The following SNRNP200 variants were observed in gnomAD, a reference collection of about 807,000 sequenced individuals.
SNRNP200 encodes the protein small nuclear ribonucleoprotein U5 subunit 200, also known as U5 small nuclear ribonucleoprotein 200 kDa helicase.
A neutral mutation model predicts 255.2 loss-of-function variants in SNRNP200; 66 were observed. The observed-to-expected ratio is 0.26, with a 90% CI of 0.21 to 0.32. The LOEUF is 0.32. Among genes scored for constraint, SNRNP200 ranks in the 10% least tolerant of loss-of-function variants. The probability of loss-of-function intolerance (pLI) is 1.00; values close to 1 mark genes in which losing one functional copy is unlikely to be tolerated. For synonymous variants in SNRNP200, 939 were observed against 1,027.8 expected (o/e 0.91, Z 1.65); for missense variants, 1,585 against 2,749.8 (o/e 0.58, Z 9.47).
chr2:96,279,562 G>A lies in SNRNP200; in HGVS notation c.5025-3C>T. 2 of 1,602,404 alleles carry A rather than the reference G, an allele frequency of 1.2e-6. No homozygotes were observed. ...CATAGATGGGGTAATCCACATAGCT[G>A]GTGACAGAAGCAGGGAAAGAAGGAA... is the stretch of plus-strand genomic sequence containing the variant. On this transcript the variant is annotated splice_polypyrimidine_tract_variant and splice_region_variant and intron_variant, in intron 35 of 44. Transcript: ENST00000323853.
At position 96,290,800 on chromosome 2, in the gene SNRNP200, C is replaced by T. The variant is rs1343420097; in HGVS notation, c.2437G>A (p.Ala813Thr). The change falls in exon 19 of 45, where the codon GCA becomes ACA. Residue 813 changes from alanine (A) to threonine (T), a missense_variant. This residue lies in a region of SNRNP200 where 140 missense variants were observed against 274.9 expected (regional missense o/e 0.51). Transcript: ENST00000323853. The surrounding 1 kb of genome is among the most constrained non-coding windows in gnomAD (Gnocchi z 4.5). The part of the protein sequence containing the change: ...DKHIQVLVST[A>T]TLAWGVNLPA... ...AGATTCACACCCCAAGCTAGAGTTG[C>T]TGTGGAAACTAAAACCTACAGAGGC... The T allele has an allele frequency of 6.2e-7, 1 of 1,614,160 alleles. No individual in the cohort carries two copies. Among genetic ancestry groups the T allele is most frequent in the Non-Finnish European group, 8.5e-7 (1 of 1,180,032 alleles).
rs1298815710 is a variant in SNRNP200 at position 96,290,120 on chromosome 2, T to C, written c.2743-124A>G. On this transcript the variant is annotated intron_variant, in intron 20 of 44. Coordinates refer to ENST00000323853, the MANE Select transcript of SNRNP200 (RefSeq NM_014014.5). This position sits in a 1 kb window ranked among gnomAD's most constrained non-coding sequence, Gnocchi z 4.5. ...GATGCATATTACATCGTATTCTGAA[T>C]GTTTTTAGCATTTCATTATTAAAAA... 3 of 1,065,798 alleles carry C rather than the reference T, an allele frequency of 2.8e-6. No homozygotes were observed. Among genetic ancestry groups the C allele is most frequent in the Non-Finnish European group, 4.3e-6 (3 of 690,544 alleles). The allele number at this position is 1,065,798 out of a possible 1,614,324, so 66.0% of individuals were successfully genotyped here.
rs764109359 is a variant in SNRNP200, at chr2:96,277,545, T to G, written c.5925A>C (p.Thr1975=). The change falls in exon 41 of 45, where the codon ACA becomes ACC. Residue 1975 remains threonine, a synonymous_variant. Coordinates refer to ENST00000323853, the MANE Select transcript of SNRNP200 (RefSeq NM_014014.5). This position sits in a 1 kb window ranked among gnomAD's most constrained non-coding sequence, Gnocchi z 4.4. ...HFTSEHIKRC[T]DKGVESVFDI... ...CTAGGCTGACCCGGCTCACCTTGTCTGTGCAACGTTTGATATGCTCAGAGG... is the reference window on the plus strand; with the variant it reads ...CTAGGCTGACCCGGCTCACCTTGTCGGTGCAACGTTTGATATGCTCAGAGG... The G allele has an allele frequency of 6.2e-7, 1 of 1,612,636 alleles. No homozygotes were observed. Among genetic ancestry groups the G allele is most frequent in the South Asian group, 1.1e-5 (1 of 91,020 alleles).
chr2:96,293,552 AC>A, intron 14 of SNRNP200, 43 bp from the exon 15 acceptor site: 2 of 1,561,716 alleles, frequency 1.3e-6, no homozygotes, highest in African/African-American at 1.4e-5. Context: ...CACTAGAGAT[AC>A]ATAGTCCCTT....
chr2:96,296,452 C>T (rs1252603091), intron 13 of SNRNP200, 84 bp downstream of exon 13: 1 of 1,390,392 alleles, frequency 7.2e-7, no homozygotes, highest in Non-Finnish European at 1.0e-6. Context: ...TGCCCTAATA[C>T]AAGAAGCGGT....
Position 96,291,575 on chromosome 2 carries a change from C to G in SNRNP200, c.2311-73G>C. The stretch of plus-strand genomic sequence containing the variant: ...ATCCAAGGACTAAGGAAATCTCCTC[C>G]CATGAGACCCTGCCCCTTAACTATT... On this transcript the variant is annotated intron_variant, in intron 17 of 44. Coordinates refer to ENST00000323853, the MANE Select transcript of SNRNP200 (RefSeq NM_014014.5). This position sits in a 1 kb window ranked among gnomAD's most constrained non-coding sequence, Gnocchi z 4.2. The G allele has an allele frequency of 8.1e-7, 1 of 1,239,460 alleles. No homozygotes were observed. The highest frequency in any genetic ancestry group is 1.2e-6 in the Non-Finnish European group (1 of 840,694). The allele number at this position is 1,239,460 out of a possible 1,614,324, so 76.8% of individuals were successfully genotyped here. A position where few individuals can be genotyped will look rare whatever the true frequency, so the allele number is the denominator to read the frequency against.
intron 35 of SNRNP200, 52 bp downstream of exon 35, chr2:96,281,762 A>C: frequency 1.5e-6 from 2 of 1,367,266 alleles, no homozygotes; most frequent in South Asian, 2.3e-5. Flanking sequence ...GCAGATTCAC[A>C]TTCATTTTAG....
At chr2:96,298,179 A>C in intron 9 of SNRNP200, 105 bp downstream of exon 9, 3 of 1,530,682 alleles carry the variant, frequency 2.0e-6, no homozygotes, top group Non-Finnish European at 2.7e-6. Context: ...AATTTAGGAA[A>C]TTACTTTTTC....
At chr2:96,304,232 A>G (rs1177860189) in intron 2 of SNRNP200, among the ~76,000 whole-genome samples, 1 of 151,872 alleles carries the variant, frequency 6.6e-6, no homozygotes, top group Non-Finnish European at 1.5e-5. Context: ...TTTGAAACAT[A>G]TCCCCAAGAA....
intron 36 of SNRNP200, 164 bp downstream of exon 36, chr2:96,279,287 C>T: frequency 1.4e-6 from 1 of 692,128 alleles, no homozygotes; most frequent in East Asian, 2.7e-5. Flanking sequence ...AAGCAAAAGG[C>T]AGCAAAATTC....
At position 96,290,018 on chromosome 2, in the gene SNRNP200, T is replaced by C; in HGVS notation, c.2743-22A>G. On this transcript the variant is annotated intron_variant, in intron 20 of 44. Transcript: ENST00000323853. The surrounding 1 kb of genome is among the most constrained non-coding windows in gnomAD (Gnocchi z 4.5). ...CATCCTACAAGACACAGCTCATGGT[T>C]CTTAGCATGGAGAAACTCTTGATGT... is the stretch of plus-strand genomic sequence containing the variant. The C allele has an allele frequency of 6.2e-7, 1 of 1,611,812 alleles. No individual in the cohort carries two copies. Among genetic ancestry groups the C allele is most frequent in the Non-Finnish European group, 8.5e-7 (1 of 1,177,926 alleles).
At chr2:96,299,142 T>A (rs975077520) in intron 6 of SNRNP200, among the ~76,000 whole-genome samples, 175 bp from the exon 7 acceptor site, 3 of 152,148 alleles carry the variant, frequency 2.0e-5, no homozygotes, top group African/African-American at 7.2e-5. Context: ...TAAGATTTCA[T>A]CAACATACAT....
rs771652822 is a variant in SNRNP200 at position 96,283,769 on chromosome 2, A to G, written c.4584+44T>C. The G allele has an allele frequency of 7.4e-6, 12 of 1,613,808 alleles. No individual in the cohort carries two copies. The East Asian group carries it at 1.1e-4, about 15-fold the overall frequency. On this transcript the variant is annotated intron_variant, in intron 32 of 44. Coordinates refer to ENST00000323853, the MANE Select transcript of SNRNP200 (RefSeq NM_014014.5). The surrounding 1 kb of genome is among the most constrained non-coding windows in gnomAD (Gnocchi z 4.7). ...GGTTATCAGACCTGGGTCACTCAGG[A>G]TCTATGTGACACCCCACAGACGGAT...
intron 8 of SNRNP200, 81 bp downstream of exon 8, chr2:96,298,522 G>T: frequency 6.2e-7 from 1 of 1,608,348 alleles, no homozygotes; most frequent in Non-Finnish European, 8.5e-7. Context: ...AAGCACTTAG[G>T]CTGTGAAAAC....
intron 24 of SNRNP200, among the ~76,000 whole-genome samples, chr2:96,288,416 GTC>G (rs2063857065): frequency 1.3e-5 from 2 of 152,188 alleles, no homozygotes; most frequent in Non-Finnish European, 2.9e-5. Context: ...GGCTCTTCCT[GTC>G]TCTCTGAGGG....
chr2:96,303,655 C>T (rs1435010432), intron 2 of SNRNP200, among the ~76,000 whole-genome samples: 1 of 152,086 alleles, frequency 6.6e-6, no homozygotes, highest in Admixed American at 6.6e-5. Flanking sequence ...TTTGGGAGGC[C>T]AAGGCAGGCG....
At chr2:96,289,178 T>C (rs1365325235) in intron 22 of SNRNP200, 49 bp downstream of exon 22, 2 of 1,613,648 alleles carry the variant, frequency 1.2e-6, no homozygotes, top group Non-Finnish European at 8.5e-7. Flanking sequence ...CACCATTCAG[T>C]GACTTGGTGA....
chr2:96,280,383 AG>A (rs1684738454), intron 35 of SNRNP200, among the ~76,000 whole-genome samples: 1 of 152,016 alleles, frequency 6.6e-6, no homozygotes, highest in Non-Finnish European at 1.5e-5. Flanking sequence ...TGGTAGTCCC[AG>A]CTACTTGGGA....
intron 36 of SNRNP200, 112 bp downstream of exon 36, chr2:96,279,337 TAA>T: frequency 3.8e-6 from 3 of 794,412 alleles, no homozygotes; most frequent in Non-Finnish European, 6.5e-6. Context: ...ATTGTGTAAA[TAA>T]GAGAGGCAGA....
Sources: gnomAD v4.1 joint callset for allele counts (sites outside exome capture counted in the v4.1 genomes callset) on GRCh38, gnomAD v4.1.1 for gene constraint, gnomAD v4.1.1 regional missense constraint, Gnocchi (gnomAD v3.1) non-coding constraint, MANE v1.5 for transcripts, NCBI Gene and HGNC (gene_info 2026-07-23, HGNC 2026-07-21) for gene names.